The following LARP1 variants were observed in gnomAD, a reference collection of about 807,000 sequenced individuals.
LARP1 encodes the protein La ribonucleoprotein 1, translational regulator.
Under a neutral mutation model 122.7 loss-of-function variants are expected in LARP1, and 36 were observed. The observed-to-expected ratio is 0.29, with a 90% CI of 0.22 to 0.39. LARP1 has a LOEUF of 0.39. LARP1 is among the 10% of genes least tolerant of loss of function. LARP1 has a pLI of 1.00. For missense variants in LARP1, 1,040 were observed against 1,403.6 expected (o/e 0.74, Z 4.14); for synonymous variants, 539 against 528.7 (o/e 1.02, Z -0.27).
intron 1 of LARP1, among the ~76,000 whole-genome samples, chr5:154,760,044 A>C (rs964633140): frequency 6.6e-6 from 1 of 151,972 alleles, no homozygotes; most frequent in Admixed American, 6.6e-5. Flanking sequence ...GGTTCAAGCG[A>C]TTCTCCTGCC....
intron 1 of LARP1, among the ~76,000 whole-genome samples, chr5:154,766,802 A>G (rs1183747130): frequency 6.6e-6 from 1 of 152,218 alleles, no homozygotes; most frequent in South Asian, 2.1e-4. Context: ...ACATTGGGCT[A>G]TAGTTAGGCT....
intron 1 of LARP1, among the ~76,000 whole-genome samples, chr5:154,692,890 A>T (rs1438166695): frequency 6.6e-6 from 1 of 152,024 alleles, no homozygotes; most frequent in African/African-American, 2.4e-5. Context: ...TTAAACATAT[A>T]TATGTGTGTG....
At chr5:154,766,051 A>G (rs1375751953) in intron 1 of LARP1, among the ~76,000 whole-genome samples, 1 of 152,208 alleles carries the variant, frequency 6.6e-6, no homozygotes, top group Non-Finnish European at 1.5e-5. Context: ...AGAAATGGGA[A>G]GGATGAGTAG....
At chr5:154,780,053 A>G (rs1464618605) in intron 1 of LARP1, among the ~76,000 whole-genome samples, 1 of 151,926 alleles carries the variant, frequency 6.6e-6, no homozygotes, top group Non-Finnish European at 1.5e-5. Context: ...CTGCCTGGCC[A>G]GGCTGGCCTG....
chr5:154,769,260 A>T (rs1213430429), intron 1 of LARP1, among the ~76,000 whole-genome samples: 2 of 152,238 alleles, frequency 1.3e-5, no homozygotes, highest in Non-Finnish European at 2.9e-5. Flanking sequence ...GTCTGATGGC[A>T]GGGCCCAGCC....
chr5:154,769,831 G>T (rs529970628), intron 1 of LARP1, among the ~76,000 whole-genome samples: 1 of 152,186 alleles, frequency 6.6e-6, no homozygotes. Context: ...TCAAAGTGTT[G>T]GGGAGTGCCT....
At chr5:154,703,119 TC>T (rs1361075850) in intron 1 of LARP1, among the ~76,000 whole-genome samples, 1 of 27,550 alleles carries the variant, frequency 3.6e-5, no homozygotes, top group African/African-American at 1.5e-4. Context: ...AGACGCTGTC[TC>T]AAAAAAAAAA....
At chr5:154,747,245 G>T (rs566193871) in intron 1 of LARP1, among the ~76,000 whole-genome samples, 102 of 151,430 alleles carry the variant, frequency 6.7e-4, no homozygotes, top group Non-Finnish European at 1.1e-3. Flanking sequence ...GACGGAGGTT[G>T]CAGTGAGTTG....
At chr5:154,807,891 A>G (rs562840278) in intron 15 of LARP1, among the ~76,000 whole-genome samples, 1 of 152,326 alleles carries the variant, frequency 6.6e-6, no homozygotes, top group East Asian at 1.9e-4. Flanking sequence ...TCTAGTTATT[A>G]AGTTGTAGGA....
At position 154,803,757 on chromosome 5, in the gene LARP1, C is replaced by A. The variant is rs1758531785; in HGVS notation, c.2439+12C>A. On this transcript the variant is annotated intron_variant, in intron 13 of 18. Transcript: ENST00000518297. The surrounding 1 kb of genome is among the most constrained non-coding windows in gnomAD (Gnocchi z 4.4). The stretch of plus-strand genomic sequence containing the variant: ...CACTGGATGCCAAGGTGAGGCATTC[C>A]TGTCGGGCTGCTCAGAGTCTTGGGT... 7 of 1,612,052 alleles carry A rather than the reference C, an allele frequency of 4.3e-6. No homozygotes were observed. The highest frequency in any genetic ancestry group is 1.7e-4 in the Middle Eastern group (1 of 6,056).
At chr5:154,728,884 G>T (rs1434630930) in intron 1 of LARP1, among the ~76,000 whole-genome samples, 1 of 152,156 alleles carries the variant, frequency 6.6e-6, no homozygotes, top group Non-Finnish European at 1.5e-5. Flanking sequence ...AAGTCACTGT[G>T]GTGCCCTGCC....
At chr5:154,706,305 A>AATAATG (rs1438714772) in intron 1 of LARP1, among the ~76,000 whole-genome samples, 1 of 94,334 alleles carries the variant, frequency 1.1e-5, no homozygotes, top group Non-Finnish European at 2.2e-5. Context: ...AAATAATAAT[A>AATAATG]ATAATAATAA....
chr5:154,687,123 C>T (rs1310177650), intron 1 of LARP1, among the ~76,000 whole-genome samples: 2 of 152,128 alleles, frequency 1.3e-5, no homozygotes, highest in African/African-American at 4.8e-5. Flanking sequence ...TTTCTGATTG[C>T]GGACACATAG....
At chr5:154,731,073 C>T (rs997228296) in intron 1 of LARP1, among the ~76,000 whole-genome samples, 4 of 152,074 alleles carry the variant, frequency 2.6e-5, no homozygotes, top group African/African-American at 9.7e-5. Context: ...GATCCGCCTG[C>T]CTTGGCCTCC....
intron 2 of LARP1, 86 bp downstream of exon 2, chr5:154,790,472 A>G (rs957156374): frequency 9.5e-6 from 13 of 1,367,136 alleles, no homozygotes; most frequent in African/African-American, 5.7e-5. Flanking sequence ...TGGACTGCCA[A>G]CTAGTTCTGG....
Position 154,808,632 on chromosome 5 carries a change from C to T in LARP1, c.2843+29C>T, listed in dbSNP as rs779130254. The T allele has an allele frequency of 3.1e-5, 49 of 1,601,410 alleles. No individual in the cohort carries two copies. The South Asian group carries it at 5.3e-4, about 17-fold the overall frequency. ...AGCAGGTTTGGGTGGGGGACTTTGG[C>T]TGGTGCTTAGGGATGATGTGGGATC... On this transcript the variant is annotated intron_variant, in intron 16 of 18. Coordinates refer to ENST00000518297, the MANE Select transcript of LARP1 (RefSeq NM_033551.3).
intron 1 of LARP1, among the ~76,000 whole-genome samples, chr5:154,742,729 CAA>C (rs542787090): frequency 5.4e-4 from 42 of 77,296 alleles, no homozygotes; most frequent in Admixed American, 1.0e-3. Flanking sequence ...GACCCTGTCT[CAA>C]AAAAAAAAAA....
chr5:154,722,711 C>T (rs1755953666), intron 1 of LARP1, among the ~76,000 whole-genome samples: 1 of 134,980 alleles, frequency 7.4e-6, no homozygotes, highest in African/African-American at 2.8e-5. Flanking sequence ...GACGGAGTCT[C>T]ACTCTATCGC....
intron 1 of LARP1, among the ~76,000 whole-genome samples, chr5:154,743,633 G>A (rs944870528): frequency 4.3e-5 from 6 of 138,226 alleles, no homozygotes; most frequent in Non-Finnish European, 9.4e-5. Flanking sequence ...TTGTTTGTTT[G>A]TTTAGAGACA....
Sources: gnomAD v4.1 joint callset for allele counts (sites outside exome capture counted in the v4.1 genomes callset) on GRCh38, gnomAD v4.1.1 for gene constraint, Gnocchi (gnomAD v3.1) non-coding constraint, MANE v1.5 for transcripts, NCBI Gene and HGNC (gene_info 2026-07-23, HGNC 2026-07-21) for gene names.